Variants in ARMC8 observed in about 807,000 individuals in gnomAD.
The protein encoded by ARMC8 is armadillo repeat-containing protein 8.
A neutral mutation model predicts 99.3 loss-of-function variants in ARMC8; 20 were observed. The observed-to-expected ratio is 0.20, with a 90% CI of 0.14 to 0.29. ARMC8 has a LOEUF of 0.29. ARMC8 is among the 10% of genes least tolerant of loss of function. The probability of loss-of-function intolerance (pLI) is 1.00; values close to 1 mark genes in which losing one functional copy is unlikely to be tolerated. For missense variants in ARMC8, 569 were observed against 809.5 expected (o/e 0.70, Z 3.60); for synonymous variants, 263 against 278.3 (o/e 0.95, Z 0.55).
At chr3:138,201,855 G>A (rs1050448278) in intron 1 of ARMC8, among the ~76,000 whole-genome samples, 3 of 152,036 alleles carry the variant, frequency 2.0e-5, no homozygotes, top group African/African-American at 7.2e-5. Context: ...TAACTTCAAT[G>A]ATATCTTCAA....
intron 14 of ARMC8, among the ~76,000 whole-genome samples, chr3:138,266,714 C>T (rs2048316123): frequency 6.6e-6 from 1 of 152,160 alleles, no homozygotes; most frequent in African/African-American, 2.4e-5. Context: ...GCAGTAGTAG[C>T]CTGCTTGATT....
intron 5 of ARMC8, among the ~76,000 whole-genome samples, chr3:138,225,867 C>T (rs890205169): frequency 7.2e-5 from 11 of 152,182 alleles, no homozygotes; most frequent in African/African-American, 2.4e-4. Context: ...ACATGGCTCC[C>T]TAGTCTGTCC....
At chr3:138,233,360 C>T (rs763221372) in intron 6 of ARMC8, among the ~76,000 whole-genome samples, 10 of 152,212 alleles carry the variant, frequency 6.6e-5, no homozygotes, top group Non-Finnish European at 1.3e-4. Context: ...CCATTTTACT[C>T]TGGGAATTTA....
At chr3:138,241,497 T>A (rs1432082623) in intron 10 of ARMC8, among the ~76,000 whole-genome samples, 1 of 152,194 alleles carries the variant, frequency 6.6e-6, no homozygotes, top group Non-Finnish European at 1.5e-5. Context: ...TTTACAAAGT[T>A]GTACAATAAA....
chr3:138,265,790 T>C (rs866581297), intron 14 of ARMC8, among the ~76,000 whole-genome samples: 1 of 152,184 alleles, frequency 6.6e-6, no homozygotes, highest in Non-Finnish European at 1.5e-5. Flanking sequence ...GTTAGACCAA[T>C]GCCAGTGGCC....
chr3:138,237,633 T>G, intron 9 of ARMC8, 61 bp downstream of exon 9: 1 of 1,419,212 alleles, frequency 7.0e-7, no homozygotes, highest in Non-Finnish European at 9.7e-7. Context: ...AGAGTATTTT[T>G]GGACAACCAA....
intron 16 of ARMC8, among the ~76,000 whole-genome samples, chr3:138,271,637 C>G (rs1231732698): frequency 6.6e-6 from 1 of 152,134 alleles, no homozygotes; most frequent in Non-Finnish European, 1.5e-5. Flanking sequence ...CATCTCTGAC[C>G]TGGGTCTCTT....
Position 138,289,195 on chromosome 3 carries a change from C to T in ARMC8, c.1894+75C>T, listed in dbSNP as rs1002914917. The T allele has an allele frequency of 2.2e-5, 25 of 1,154,128 alleles. No homozygotes were observed. The Middle Eastern group carries it at 6.6e-4, about 30-fold the overall frequency. 71.5% of individuals were successfully genotyped at this position (1,154,128 alleles called of 1,614,324 possible). ...TTGCACAGGGAAGCTAGCAGGTGCC[C>T]CTGAGATCCTGGGCAGAGGCTCTGT... On this transcript the variant is annotated intron_variant, in intron 20 of 21. Transcript: ENST00000469044.
At chr3:138,223,572 T>G in intron 4 of ARMC8, 41 bp downstream of exon 4, 1 of 1,614,064 alleles carries the variant, frequency 6.2e-7, no homozygotes, top group Non-Finnish European at 8.5e-7. Context: ...AGGTTAAGAA[T>G]CAGTTTGCAG....
At chr3:138,220,548 C>T (rs1379573025) in intron 2 of ARMC8, among the ~76,000 whole-genome samples, 1 of 152,076 alleles carries the variant, frequency 6.6e-6, no homozygotes, top group Non-Finnish European at 1.5e-5. Context: ...TAGCACATCA[C>T]TAGTTGTTGC....
rs961495177 is a variant in ARMC8, at chr3:138,214,446, C to A, written c.122+4553C>A. Among the ~76,000 whole-genome samples, 4 of 151,302 alleles carry A rather than the reference C, an allele frequency of 2.6e-5. No homozygotes were observed. The East Asian group carries it at 5.8e-4, about 22-fold the overall frequency. On this transcript the variant is annotated intron_variant, in intron 2 of 21. Transcript: ENST00000469044. ...GAGTTTATTTTGGTAATGATTAATT[C>A]TCTTAGCTCCAGGAAATTTTGTATC...
At chr3:138,262,351 CTA>C (rs1285571721) in intron 12 of ARMC8, 14 of 668,424 alleles carry the variant, frequency 2.1e-5, no homozygotes, top group African/African-American at 1.8e-4. Flanking sequence ...GTTTTGGAAA[CTA>C]AAACACCAGA....
At chr3:138,229,134 G>GTGTATATATATATA (rs2045852958) in intron 6 of ARMC8, 124 bp downstream of exon 6, 1 of 78,606 alleles carries the variant, frequency 1.3e-5, no homozygotes, top group Non-Finnish European at 2.3e-5. Flanking sequence ...GTGTGTGCGT[G>GTGTATATATATATA]TATATATATA....
intron 19 of ARMC8, among the ~76,000 whole-genome samples, chr3:138,285,748 G>C (rs1342595331): frequency 2.6e-5 from 4 of 152,180 alleles, no homozygotes; most frequent in African/African-American, 9.7e-5. Flanking sequence ...GTGCACAACT[G>C]TATATCCACC....
intron 1 of ARMC8, among the ~76,000 whole-genome samples, chr3:138,195,478 A>G (rs1227317992): frequency 3.3e-5 from 5 of 152,196 alleles, no homozygotes; most frequent in African/African-American, 4.8e-5. Context: ...AAACTCTGCA[A>G]AGAATCAGAA....
At chr3:138,279,514 A>T (rs2049660572) in intron 18 of ARMC8, among the ~76,000 whole-genome samples, 1 of 152,106 alleles carries the variant, frequency 6.6e-6, no homozygotes, top group South Asian at 2.1e-4. Context: ...TTTTTTAATA[A>T]TGTCTTTTTC....
chr3:138,220,987 GC>G (rs1187517205), intron 2 of ARMC8, among the ~76,000 whole-genome samples: 1 of 152,064 alleles, frequency 6.6e-6, no homozygotes, highest in African/African-American at 2.4e-5. Context: ...ACCGTGCCCG[GC>G]CAGGGAAGTT....
chr3:138,230,013 AT>A (rs1359063676), intron 6 of ARMC8, among the ~76,000 whole-genome samples: 1 of 152,206 alleles, frequency 6.6e-6, no homozygotes, highest in African/African-American at 2.4e-5. Context: ...GAGTTTCTAC[AT>A]TGTAATTTAG....
chr3:138,206,879 A>G (rs2044399282), intron 1 of ARMC8, among the ~76,000 whole-genome samples: 1 of 152,234 alleles, frequency 6.6e-6, no homozygotes, highest in African/African-American at 2.4e-5. Flanking sequence ...TTGCGTATAC[A>G]TAACAATTTC....
Sources: allele counts gnomAD v4.1 joint callset (sites outside exome capture counted in the v4.1 genomes callset), GRCh38; gene constraint gnomAD v4.1.1; transcripts MANE v1.5; gene names NCBI Gene and HGNC (gene_info 2026-07-23, HGNC 2026-07-21).